Variants in PSAP observed in about 807,000 individuals in gnomAD.
PSAP encodes the protein prosaposin.
In PSAP, 25 loss-of-function variants were observed where a neutral mutation model predicts 66.0. The ratio of observed to expected loss-of-function variants is 0.38; its 90% confidence interval spans 0.28 to 0.53. The LOEUF is 0.53. Ranked by LOEUF, PSAP falls within the 20% of genes least tolerant of loss-of-function variation. The pLI, the probability that PSAP is intolerant of heterozygous loss-of-function variation, is 0.83. For missense variants in PSAP, 649 were observed against 668.8 expected, an observed-to-expected ratio of 0.97 and a Z score of 0.33; for synonymous variants, 273 against 258.9, an observed-to-expected ratio of 1.05 and a Z score of -0.52.
chr10:71,825,618 C>T (rs1234989325), intron 7 of PSAP: 1 of 671,576 alleles, frequency 1.5e-6, no homozygotes. Flanking sequence ...GCCACCAGGG[C>T]AGTCCTGGGA....
At chr10:71,833,760 C>T (rs117569495) in intron 2 of PSAP, among the ~76,000 whole-genome samples, 3 of 152,116 alleles carry the variant, frequency 2.0e-5, no homozygotes, top group African/African-American at 4.8e-5. Flanking sequence ...TTAGACCATG[C>T]CCCACATTAA....
intron 1 of PSAP, among the ~76,000 whole-genome samples, chr10:71,844,583 T>C (rs977261641): frequency 6.6e-6 from 1 of 152,110 alleles, no homozygotes; most frequent in Admixed American, 6.6e-5. Context: ...GGAGAATCAC[T>C]TGAACTCAGG....
At chr10:71,843,175 C>T (rs1278851284) in intron 1 of PSAP, among the ~76,000 whole-genome samples, 3 of 152,032 alleles carry the variant, frequency 2.0e-5, no homozygotes, top group Admixed American at 2.0e-4. Context: ...CCCGAATGCA[C>T]AGAGAGGAAG....
intron 7 of PSAP, chr10:71,822,673 G>A (rs1842328786): frequency 2.1e-6 from 1 of 471,708 alleles, no homozygotes; most frequent in South Asian, 1.6e-5. Flanking sequence ...ATGACACTCT[G>A]ATGGCCAAGA....
At chr10:71,822,602 G>T (rs1842326795) in intron 7 of PSAP, 1 of 472,090 alleles carries the variant, frequency 2.1e-6, no homozygotes, top group African/African-American at 2.0e-5. Context: ...TCTCCAGATT[G>T]ATCCCCTTTC....
At chr10:71,817,730 C>T (rs1295085016) in intron 13 of PSAP, among the ~76,000 whole-genome samples, 7 of 148,060 alleles carry the variant, frequency 4.7e-5, no homozygotes, top group Admixed American at 6.7e-5. Flanking sequence ...TGAGTACCCA[C>T]GCAGGCAGGG....
chr10:71,842,572 CT>C (rs1842749507), intron 1 of PSAP, among the ~76,000 whole-genome samples: 2 of 152,276 alleles, frequency 1.3e-5, no homozygotes, highest in East Asian at 1.9e-4. Flanking sequence ...AGCTAAACAT[CT>C]GGAGAACAAC....
intron 3 of PSAP, 132 bp from the exon 4 acceptor site, chr10:71,831,383 A>G: frequency 2.5e-6 from 3 of 1,177,762 alleles, no homozygotes; most frequent in Non-Finnish European, 3.7e-6. Context: ...AGGGAAAAGG[A>G]CTTGGCCATG....
intron 1 of PSAP, among the ~76,000 whole-genome samples, chr10:71,840,626 A>G (rs781159828): frequency 2.6e-5 from 4 of 152,208 alleles, no homozygotes; most frequent in Non-Finnish European, 5.9e-5. Context: ...CTCATATCAC[A>G]TAAGAAATCA....
chr10:71,845,975 G>A (rs1034920006), intron 1 of PSAP, among the ~76,000 whole-genome samples: 2 of 152,142 alleles, frequency 1.3e-5, no homozygotes, highest in African/African-American at 2.4e-5. Flanking sequence ...AAGTCACAAC[G>A]TCCTTTGAAA....
chr10:71,837,254 T>C (rs951517184), intron 1 of PSAP, among the ~76,000 whole-genome samples: 115 of 152,252 alleles, frequency 7.6e-4, no homozygotes, highest in African/African-American at 2.7e-3. Flanking sequence ...ACGGATTCCA[T>C]CTCCCAGGAT....
intron 2 of PSAP, among the ~76,000 whole-genome samples, chr10:71,833,382 T>C (rs1217106958): frequency 1.3e-5 from 2 of 151,516 alleles, no homozygotes; most frequent in East Asian, 3.9e-4. Context: ...TGCTTGAGCC[T>C]AGGAGGTTGA....
At chr10:71,824,062 T>A (rs1231563199) in intron 7 of PSAP, among the ~76,000 whole-genome samples, 1 of 152,206 alleles carries the variant, frequency 6.6e-6, no homozygotes, top group Non-Finnish European at 1.5e-5. Context: ...ACCTACCTTG[T>A]TCCTGCTATC....
chr10:71,851,227 C>T lies in PSAP; in HGVS notation c.-6G>A, dbSNP rs974215038. On this transcript the variant is annotated 5_prime_UTR_variant, in exon 1 of 14. Transcript: ENST00000394936. ...AGGAGGAAGAGGGCGTACATAGCGC[C>T]GTCTGACTCCGCAGTCTGCAATGCG... 1 of 1,551,054 alleles carries T rather than the reference C, an allele frequency of 6.4e-7. No homozygotes were observed. The highest frequency in any genetic ancestry group is 8.7e-7 in the Non-Finnish European group (1 of 1,146,868).
chr10:71,817,575 C>G (rs1355178774), intron 13 of PSAP, 99 bp from the exon 14 acceptor site: 4 of 1,176,976 alleles, frequency 3.4e-6, no homozygotes, highest in Admixed American at 3.4e-5. Flanking sequence ...GACCTGTTCT[C>G]TTGTCCTAGG....
intron 7 of PSAP, among the ~76,000 whole-genome samples, chr10:71,823,637 G>T (rs908283851): frequency 6.6e-6 from 1 of 152,132 alleles, no homozygotes; most frequent in Non-Finnish European, 1.5e-5. Context: ...ACTGTGACCA[G>T]AGCACAAGGC....
At chr10:71,841,845 CAT>C (rs939664714) in intron 1 of PSAP, among the ~76,000 whole-genome samples, 1 of 151,682 alleles carries the variant, frequency 6.6e-6, no homozygotes, top group South Asian at 2.1e-4. Context: ...GTCTCTACTA[CAT>C]ATATATATAT....
chr10:71,841,462 A>C lies in PSAP; in HGVS notation c.41-6957T>G, dbSNP rs1369915880. Among the ~76,000 whole-genome samples the C allele has an allele frequency of 3.3e-5, 5 of 152,334 alleles. No homozygotes were observed. In the East Asian group the frequency reaches 9.6e-4, roughly 29 times the overall value. On this transcript the variant is annotated intron_variant, in intron 1 of 13. Coordinates refer to ENST00000394936, the MANE Select transcript of PSAP (RefSeq NM_002778.4). ...AATACTGCCTTCACTTGAAATCTAA[A>C]ATGTTCAGACCACAGCATGGGTCAC...
Position 71,851,248 on chromosome 10 carries a change from A to C in PSAP, c.-27T>G. 6.5e-7 allele frequency: 1 copy of C among 1,549,104 alleles called. No homozygotes were observed. Among genetic ancestry groups the C allele is most frequent in the Non-Finnish European group, 8.7e-7 (1 of 1,145,192 alleles). On this transcript the variant is annotated 5_prime_UTR_variant, in exon 1 of 14. Coordinates refer to ENST00000394936, the MANE Select transcript of PSAP (RefSeq NM_002778.4). ...GCGCCGTCTGACTCCGCAGTCTGCAATGCGGAGCGTCAGCTGATCCCCCGC... is the reference window on the plus strand; with the variant it reads ...GCGCCGTCTGACTCCGCAGTCTGCACTGCGGAGCGTCAGCTGATCCCCCGC...
Sources: allele counts gnomAD v4.1 joint callset (sites outside exome capture counted in the v4.1 genomes callset), GRCh38; gene constraint gnomAD v4.1.1; transcripts MANE v1.5; gene names NCBI Gene and HGNC (gene_info 2026-07-23, HGNC 2026-07-21).